Variants in PCDHGB3 observed in about 807,000 individuals in gnomAD.
PCDHGB3 encodes the protein protocadherin gamma-B3.
PCDHGB3 carries 40 observed loss-of-function variants against 59.2 expected under a neutral mutation model. The observed-to-expected ratio is 0.68, with a 90% CI of 0.52 to 0.88. PCDHGB3 has a LOEUF of 0.88. PCDHGB3 is among the 40% of genes least tolerant of loss of function. The pLI is 0.00. For missense variants in PCDHGB3, 1,309 were observed against 1,187.9 expected (o/e 1.10, Z -1.50); for synonymous variants, 581 against 503.6 (o/e 1.15, Z -2.06).
At chr5:141,389,449 A>C in intron 1 of PCDHGB3, 2 of 1,610,538 alleles carry the variant, frequency 1.2e-6, no homozygotes, top group Non-Finnish European at 1.7e-6. Context: ...GACCACGAGC[A>C]GCTGCGCGCC....
chr5:141,495,109 C>A (rs1445945970), intron 2 of PCDHGB3, among the ~76,000 whole-genome samples: 3 of 152,278 alleles, frequency 2.0e-5, no homozygotes, highest in South Asian at 2.1e-4. Context: ...CGACCGGCAC[C>A]TTTTCCTATC....
At chr5:141,389,405 G>T (rs758428464) in intron 1 of PCDHGB3, 1 of 1,613,496 alleles carries the variant, frequency 6.2e-7, no homozygotes, top group South Asian at 1.1e-5. Context: ...CCATAAGCGC[G>T]GAGAGCGGGG....
intron 1 of PCDHGB3, chr5:141,383,348 T>C: frequency 6.2e-7 from 1 of 1,613,946 alleles, no homozygotes; most frequent in Admixed American, 1.7e-5. Context: ...GCTCCTGGGG[T>C]TCGGTTTCCG....
chr5:141,403,377 T>A, intron 1 of PCDHGB3: 1 of 1,614,016 alleles, frequency 6.2e-7, no homozygotes. Flanking sequence ...GAAGTAAAAA[T>A]TAACGAAATC....
chr5:141,415,740 G>GTTTT lies in PCDHGB3; in HGVS notation c.2415+42960_2415+42963dup, dbSNP rs57426385. ...TGAGTAGAATTTGATGTTTATTAAG[G>GTTTT]TTTTTTTTTTTTTTTTTTTTTTTTT... On this transcript the variant is annotated intron_variant, in intron 1 of 3. Transcript: ENST00000576222. 3.9e-3 allele frequency: 2,454 copies of GTTTT among 623,032 alleles called. 15 individuals carry two copies. Among genetic ancestry groups the GTTTT allele is most frequent in the South Asian group, 7.6e-3 (262 of 34,698 alleles). 38.6% of individuals were successfully genotyped at this position (623,032 alleles called of 1,614,324 possible).
At chr5:141,413,664 T>G in intron 1 of PCDHGB3, 1 of 1,613,858 alleles carries the variant, frequency 6.2e-7, no homozygotes, top group Non-Finnish European at 8.5e-7. Flanking sequence ...AAGCTATTGA[T>G]CCGGATGTGG....
intron 1 of PCDHGB3, among the ~76,000 whole-genome samples, chr5:141,465,486 G>C (rs1221398075): frequency 6.6e-6 from 1 of 152,216 alleles, no homozygotes; most frequent in African/African-American, 2.4e-5. Flanking sequence ...TGAGAGGAAT[G>C]AGCGGGAGCA....
intron 1 of PCDHGB3, among the ~76,000 whole-genome samples, chr5:141,449,177 G>T (rs2098631167): frequency 6.6e-6 from 1 of 152,028 alleles, no homozygotes. Flanking sequence ...AATTTTCTTA[G>T]GTATTTTCAC....
intron 1 of PCDHGB3, among the ~76,000 whole-genome samples, chr5:141,463,177 A>G (rs914982793): frequency 2.6e-5 from 4 of 152,250 alleles, no homozygotes; most frequent in Admixed American, 2.6e-4. Context: ...ATGTATGCTC[A>G]GATTATTATT....
At position 141,393,000 on chromosome 5, in the gene PCDHGB3, G is replaced by A. The variant is rs772046833; in HGVS notation, c.2415+20191G>A. The stretch of plus-strand genomic sequence containing the variant: ...GGACCCCCGGAAGCTGGCGAAGCAC[G>A]GAGTCCGTATCGTCTCCAGAGGTAG... On this transcript the variant is annotated intron_variant, in intron 1 of 3. Transcript: ENST00000576222. The A allele has an allele frequency of 2.5e-6, 4 of 1,613,856 alleles. No individual in the cohort carries two copies. In the South Asian group the frequency reaches 4.4e-5, roughly 18 times the overall value.
Position 141,431,530 on chromosome 5 carries a change from G to A in PCDHGB3, c.2415+58721G>A. On this transcript the variant is annotated intron_variant, in intron 1 of 3. Transcript: ENST00000576222. The surrounding 1 kb of genome is among the most constrained non-coding windows in gnomAD (Gnocchi z 4.8). ...CGAGCGTTCCGGAGAATCTGGCCTT[G>A]GGCACGCAGCTGCTTGTAGTCAACG... 3 of 1,614,072 alleles carry A rather than the reference G, an allele frequency of 1.9e-6. No homozygotes were observed. In the South Asian group the frequency reaches 3.3e-5, roughly 18 times the overall value.
Position 141,371,109 on chromosome 5 carries a change from C to A in PCDHGB3, c.715C>A (p.Pro239Thr), listed in dbSNP as rs781398183. The A allele has an allele frequency of 6.2e-7, 1 of 1,613,836 alleles. No individual in the cohort carries two copies. The highest frequency in any genetic ancestry group is 1.1e-5 in the South Asian group (1 of 91,080). Residue 239 changes from proline to threonine, a missense_variant, in exon 1 of 4, where the codon CCC (proline) becomes ACC (threonine). Coordinates refer to ENST00000576222, the MANE Select transcript of PCDHGB3 (RefSeq NM_018924.5). ...AATTGTCGCAGATGCAAATGATAAC[C>A]CCCCAGTATTTACTCAGGACATGTA... ...RVIVADANDN[P>T]PVFTQDMYRV...
intron 1 of PCDHGB3, chr5:141,399,959 G>T (rs1257286209): frequency 6.2e-7 from 1 of 1,612,230 alleles, no homozygotes; most frequent in East Asian, 2.2e-5. Context: ...AGCGAGCCCG[G>T]GCTCTTCAGC....
chr5:141,404,685 C>T (rs554522683), intron 1 of PCDHGB3: 1 of 1,614,010 alleles, frequency 6.2e-7, no homozygotes, highest in South Asian at 1.1e-5. Flanking sequence ...GTGGAGCTGG[C>T]ACCCCGCTCT....
intron 1 of PCDHGB3, among the ~76,000 whole-genome samples, chr5:141,449,588 C>CA (rs768743917): frequency 0.036 from 2,064 of 56,756 alleles, 20 homozygotes; most frequent in Middle Eastern, 0.06. Context: ...GACTCTGTCT[C>CA]AAAAAAAAAA....
In PCDHGB3 at chr5:141,403,434, A is replaced by C. The variant is rs774605332; in HGVS notation, c.2415+30625A>C. On this transcript the variant is annotated intron_variant, in intron 1 of 3. Transcript: ENST00000576222. ...CCACTTCCAGAAGCTATTGATCCGGATGTTGGCGTGAACTCCCTCCAGAGC... is the reference window on the plus strand; with the variant it reads ...CCACTTCCAGAAGCTATTGATCCGGCTGTTGGCGTGAACTCCCTCCAGAGC... The C allele has an allele frequency of 1.9e-6, 3 of 1,614,024 alleles. No individual in the cohort carries two copies. In the South Asian group the frequency reaches 3.3e-5, roughly 18 times the overall value.
intron 1 of PCDHGB3, chr5:141,419,661 A>G (rs1363084793): frequency 2.5e-6 from 4 of 1,612,714 alleles, no homozygotes; most frequent in East Asian, 2.2e-5. Flanking sequence ...TCGGGGCACA[A>G]TGCCTGGCTG....
At chr5:141,393,171 G>C (rs768471669) in intron 1 of PCDHGB3, 10 of 1,613,150 alleles carry the variant, frequency 6.2e-6, no homozygotes, top group Admixed American at 1.7e-5. Context: ...CTTTGGGGTA[G>C]AAATAGAAAT....
At position 141,375,854 on chromosome 5, in the gene PCDHGB3, G is replaced by A. The variant is rs937512272; in HGVS notation, c.2415+3045G>A. 3.1e-6 allele frequency: 5 copies of A among 1,613,934 alleles called. No homozygotes were observed. The South Asian group carries it at 5.5e-5, about 18-fold the overall frequency. ...AGAGCCCGGCTACCTGGTGACCAAG[G>A]TGGTGGCGGTGGACAGAGACTCGGG... On this transcript the variant is annotated intron_variant, in intron 1 of 3. Coordinates refer to ENST00000576222, the MANE Select transcript of PCDHGB3 (RefSeq NM_018924.5).
Sources: gnomAD v4.1 joint callset for allele counts (sites outside exome capture counted in the v4.1 genomes callset) on GRCh38, gnomAD v4.1.1 for gene constraint, Gnocchi (gnomAD v3.1) non-coding constraint, MANE v1.5 for transcripts, NCBI Gene and HGNC (gene_info 2026-07-23, HGNC 2026-07-21) for gene names.